Variants in QTMAN observed in about 807,000 individuals in gnomAD.
QTMAN encodes queuosine-tRNA mannosyltransferase.
At chr2:144,332,009 GC>G in the QTMAN span, among the ~76,000 whole-genome samples, 1 of 152,222 alleles carries the variant, frequency 6.6e-6, no homozygotes, top group Non-Finnish European at 1.5e-5. Context: ...CAACCCGGAC[GC>G]CCGGCCTCCC....
At chr2:144,148,763 A>T in the QTMAN span, among the ~76,000 whole-genome samples, 1 of 151,878 alleles carries the variant, frequency 6.6e-6, no homozygotes, top group African/African-American at 2.4e-5. Flanking sequence ...AAAAGAAGGC[A>T]ATATATTCAT....
At chr2:144,303,681 T>C in the QTMAN span, among the ~76,000 whole-genome samples, 1 of 152,232 alleles carries the variant, frequency 6.6e-6, no homozygotes. Flanking sequence ...TAACAGGGCA[T>C]TTCCAATACT....
the QTMAN span, among the ~76,000 whole-genome samples, chr2:144,305,452 G>A: frequency 8.5e-5 from 13 of 152,286 alleles, no homozygotes; most frequent in Admixed American, 6.5e-5. Context: ...ATATTCCAGT[G>A]ACCTATATGT....
chr2:144,218,915 T>TAAAAAAAAAAAAAA, the QTMAN span, among the ~76,000 whole-genome samples: 1 of 54,632 alleles, frequency 1.8e-5, no homozygotes, highest in Non-Finnish European at 4.1e-5. Context: ...GGAAAGTATC[T>TAAAAAAAAAAAAAA]AAAAAAAAAA....
the QTMAN span, chr2:144,294,241 C>T: frequency 6.6e-6 from 1 of 152,320 alleles, no homozygotes; most frequent in South Asian, 2.1e-4. Flanking sequence ...GAAGTGTTCA[C>T]TCTGAACTCT....
chr2:144,171,135 T>C, the QTMAN span, among the ~76,000 whole-genome samples: 1 of 152,146 alleles, frequency 6.6e-6, no homozygotes. Flanking sequence ...AATAATGAAA[T>C]GTGCTGATAT....
chr2:144,202,627 T>C, the QTMAN span, among the ~76,000 whole-genome samples: 1 of 152,172 alleles, frequency 6.6e-6, no homozygotes, highest in Non-Finnish European at 1.5e-5. Context: ...TGAGTTTTTT[T>C]CCCCGTTTAT....
chr2:143,970,797 C>T, the QTMAN span: 2 of 1,134,700 alleles, frequency 1.8e-6, no homozygotes, highest in Admixed American at 1.7e-5. Context: ...ACTTGTGTTA[C>T]CTTAGGGCAT....
the QTMAN span, among the ~76,000 whole-genome samples, chr2:144,018,949 A>C: frequency 2.0e-5 from 3 of 152,200 alleles, no homozygotes; most frequent in Non-Finnish European, 4.4e-5. Flanking sequence ...GTATGGGAGC[A>C]AGAGCTGGGA....
chr2:144,116,050 G>A, the QTMAN span, among the ~76,000 whole-genome samples: 1 of 152,128 alleles, frequency 6.6e-6, no homozygotes, highest in Non-Finnish European at 1.5e-5. Flanking sequence ...GGGAGAGTGA[G>A]TAATAAGTTG....
the QTMAN span, among the ~76,000 whole-genome samples, chr2:144,096,541 G>A: frequency 6.6e-6 from 1 of 152,204 alleles, no homozygotes; most frequent in Non-Finnish European, 1.5e-5. Context: ...TTGAGTGAGT[G>A]AAGAATTATA....
the QTMAN span, among the ~76,000 whole-genome samples, chr2:144,086,174 C>T: frequency 6.6e-6 from 1 of 152,164 alleles, no homozygotes; most frequent in South Asian, 2.1e-4. Context: ...TCCTAGTTCT[C>T]TTTGCTTCTC....
At chr2:144,133,477 A>G in the QTMAN span, among the ~76,000 whole-genome samples, 3 of 81,162 alleles carry the variant, frequency 3.7e-5, no homozygotes, top group Non-Finnish European at 6.5e-5. Context: ...TATATTATAT[A>G]ATATATAAAA....
At chr2:144,300,512 C>T in the QTMAN span, among the ~76,000 whole-genome samples, 1 of 152,128 alleles carries the variant, frequency 6.6e-6, no homozygotes. Flanking sequence ...GTTTTAGAAG[C>T]AATCCATTCA....
At chr2:144,303,338 T>TTAAA in the QTMAN span, among the ~76,000 whole-genome samples, 1 of 152,072 alleles carries the variant, frequency 6.6e-6, no homozygotes, top group Non-Finnish European at 1.5e-5. Context: ...AGTACCAAGG[T>TTAAA]TAAATATTAA....
the QTMAN span, among the ~76,000 whole-genome samples, chr2:144,036,909 G>A: frequency 6.6e-6 from 1 of 152,032 alleles, no homozygotes; most frequent in African/African-American, 2.4e-5. Context: ...AACCAATTGT[G>A]GCATATACAT....
the QTMAN span, among the ~76,000 whole-genome samples, chr2:144,129,836 A>G: frequency 6.6e-6 from 1 of 152,010 alleles, no homozygotes; most frequent in East Asian, 1.9e-4. Context: ...ATAAACAGAA[A>G]TCTTCCAAAC....
chr2:144,188,276 A>T, the QTMAN span, among the ~76,000 whole-genome samples: 2 of 149,140 alleles, frequency 1.3e-5, 1 homozygote, highest in South Asian at 4.2e-4. Flanking sequence ...AGTAGCACCA[A>T]TTTTTTTTTT....
the QTMAN span, among the ~76,000 whole-genome samples, chr2:144,242,966 A>AAAAAAAAAAAAAAAAAAC: frequency 6.7e-6 from 1 of 148,304 alleles, no homozygotes; most frequent in Non-Finnish European, 1.5e-5. Flanking sequence ...TACTTAAAAA[A>AAAAAAAAAAAAAAAAAAC]AAAAAAAAAA....
Sources: allele counts gnomAD v4.1 joint callset (sites outside exome capture counted in the v4.1 genomes callset), GRCh38; gene constraint gnomAD v4.1.1; transcripts MANE v1.5; gene names NCBI Gene and HGNC (gene_info 2026-07-23, HGNC 2026-07-21).